DET1: variants seen among roughly 807,000 people sequenced by gnomAD.
DET1 encodes the protein DET1 partner of COP1 E3 ubiquitin ligase.
DET1 carries 22 observed loss-of-function variants against 43.7 expected under a neutral mutation model. The ratio of observed to expected loss-of-function variants is 0.50; its 90% CI spans 0.36 to 0.72. The LOEUF (loss-of-function observed/expected upper bound fraction) is 0.72, where lower values mean the gene tolerates loss of function less well. DET1 is among the 30% of genes least tolerant of loss of function. The probability of loss-of-function intolerance (pLI) is 0.00; values close to 1 mark genes in which losing one functional copy is unlikely to be tolerated. For synonymous variants in DET1, 315 were observed against 266.2 expected, an observed-to-expected ratio of 1.18 and a Z score of -1.79; for missense variants, 713 against 713.3, an observed-to-expected ratio of 1.00 and a Z score of 0.00.
At chr15:88,536,082 C>T (rs1208892312) in intron 1 of DET1, among the ~76,000 whole-genome samples, 1 of 152,148 alleles carries the variant, frequency 6.6e-6, no homozygotes, top group East Asian at 1.9e-4. Context: ...AGAGGTGCAA[C>T]AATTCAAATG....
intron 1 of DET1, among the ~76,000 whole-genome samples, chr15:88,538,340 T>C (rs1459881711): frequency 6.6e-6 from 1 of 151,188 alleles, no homozygotes; most frequent in African/African-American, 2.4e-5. Flanking sequence ...AGAATTCATC[T>C]GATTGATAAC....
At chr15:88,508,885 A>T (rs1899790709), downstream of DET1, among the ~76,000 whole-genome samples, 2 of 152,268 alleles carry the variant, frequency 1.3e-5, no homozygotes, top group African/African-American at 4.8e-5. Context: ...AGCAACAAAA[A>T]TGATTTATCA....
In DET1 at chr15:88,531,617, C is replaced by A; in HGVS notation, c.89G>T (p.Gly30Val). The change falls in exon 2 of 5, where the codon GGC (glycine) becomes GTC (valine). Residue 30 changes from glycine to valine, a missense_variant. Coordinates refer to ENST00000268148, the MANE Select transcript of DET1 (RefSeq NM_001144074.3). This position sits in a 1 kb window ranked among gnomAD's most constrained non-coding sequence, Gnocchi z 6.2. ...TTGGTGCCAGTGGGTACCTGCCTTG[C>A]CTGAACTGATCCGCCGGCGTTCCAA... Reference protein sequence around the residue: ...HRLERRRISSGKAGTHWHQVR... With the variant: ...HRLERRRISSVKAGTHWHQVR... 10 of 1,613,944 alleles carry A rather than the reference C, an allele frequency of 6.2e-6. No individual in the cohort carries two copies. Among genetic ancestry groups the A allele is most frequent in the Non-Finnish European group, 8.5e-6 (10 of 1,179,876 alleles).
chr15:88,515,538 T>TAAAAAAAAAAAAAAAAAAAAAAA lies in DET1; in HGVS notation c.1463+1243_1463+1244insTTTTTTTTTTTTTTTTTTTTTTT, dbSNP rs1491544233. Among the ~76,000 whole-genome samples, 7 of 47,480 alleles carry TAAAAAAAAAAAAAAAAAAAAAAA rather than the reference T, an allele frequency of 1.5e-4. 3 individuals carry two copies. Among genetic ancestry groups the TAAAAAAAAAAAAAAAAAAAAAAA allele is most frequent in the Non-Finnish European group, 2.4e-4 (7 of 29,194 alleles). 31.1% of individuals were successfully genotyped at this position (47,480 alleles called of 152,430 possible). A position where few individuals can be genotyped will look rare whatever the true frequency, so the allele number is the denominator to read the frequency against. On this transcript the variant is annotated intron_variant, in intron 4 of 4. Transcript: ENST00000268148. ...TGGGCAACAGACAGAGACTCCGTCT[T>TAAAAAAAAAAAAAAAAAAAAAAA]ATAAAAAAAAAAAAAAAAAAAAAAA...
intron 3 of DET1, among the ~76,000 whole-genome samples, chr15:88,526,486 T>A (rs932167941): frequency 1.3e-5 from 2 of 152,224 alleles, no homozygotes; most frequent in Non-Finnish European, 2.9e-5. Flanking sequence ...CCTTGCTGAC[T>A]GTGGGGTATA....
rs1201915279 is a variant in DET1 at position 88,531,789 on chromosome 15, A to G, written c.-10-74T>C. ...CAAAATATAAATATATACAAGTGAA[A>G]CAGATTTCTCTTCTTATATCCTGAA... On this transcript the variant is annotated intron_variant, in intron 1 of 4. Transcript: ENST00000268148. This position sits in a 1 kb window ranked among gnomAD's most constrained non-coding sequence, Gnocchi z 6.2. The G allele has an allele frequency of 7.2e-7, 1 of 1,390,234 alleles. No homozygotes were observed. The highest frequency in any genetic ancestry group is 1.5e-5 in the African/African-American group (1 of 68,750). 86.1% of individuals were successfully genotyped at this position (1,390,234 alleles called of 1,614,324 possible). A position where few individuals can be genotyped will look rare whatever the true frequency, so the allele number is the denominator to read the frequency against.
intron 1 of DET1, among the ~76,000 whole-genome samples, chr15:88,543,827 C>T (rs2057176372): frequency 1.3e-5 from 2 of 152,162 alleles, no homozygotes; most frequent in Admixed American, 6.5e-5. Context: ...GCAGGAAAGG[C>T]TATCAAAAAC....
intron 1 of DET1, among the ~76,000 whole-genome samples, chr15:88,541,977 TC>T (rs1250350479): frequency 2.0e-5 from 3 of 152,152 alleles, no homozygotes; most frequent in African/African-American, 7.2e-5. Context: ...AGGCACAAGT[TC>T]CTCCAGGTGA....
downstream of DET1, among the ~76,000 whole-genome samples, chr15:88,509,158 G>T (rs1447473013): frequency 1.3e-5 from 2 of 152,150 alleles, no homozygotes; most frequent in East Asian, 3.9e-4. Flanking sequence ...GATACTGGAG[G>T]AGTTTTTTAA....
chr15:88,538,528 C>T (rs1047535873), intron 1 of DET1, among the ~76,000 whole-genome samples: 9 of 152,110 alleles, frequency 5.9e-5, no homozygotes, highest in Middle Eastern at 6.8e-3. Context: ...AATCAAGCCC[C>T]TTCCTCAGGG....
chr15:88,504,989 T>C lies in DET1; in HGVS notation c.*2066-1002A>G, dbSNP rs1032320404. ...TTCGCGTGTGCCTTCCCATAGTTGA[T>C]TAAGACAAATGCCAGTACCTTTAAG... is the stretch of plus-strand genomic sequence containing the variant. On this transcript the variant is annotated intron_variant and NMD_transcript_variant, in intron 7 of 8. Coordinates refer to the DET1 transcript ENST00000557842. The surrounding 1 kb of genome is among the most constrained non-coding windows in gnomAD (Gnocchi z 4.7). 2 of 152,238 alleles carry C rather than the reference T, an allele frequency of 1.3e-5. No homozygotes were observed. Among genetic ancestry groups the C allele is most frequent in the Non-Finnish European group, 2.9e-5 (2 of 68,036 alleles). 9.4% of individuals were successfully genotyped at this position (152,238 alleles called of 1,614,324 possible). A position where few individuals can be genotyped will look rare whatever the true frequency, so the allele number is the denominator to read the frequency against.
At chr15:88,512,427 C>T (rs2056217808), downstream of DET1, 2 of 985,578 alleles carry the variant, frequency 2.0e-6, no homozygotes, top group Non-Finnish European at 2.4e-6. Context: ...AACCCAAGTA[C>T]TTGAAAGCAT....
At chr15:88,509,099 G>A (rs926384267), downstream of DET1, among the ~76,000 whole-genome samples, 8 of 152,178 alleles carry the variant, frequency 5.3e-5, no homozygotes, top group African/African-American at 1.9e-4. Context: ...AAAGAAAGGC[G>A]AGTTCCCACC....
Position 88,527,506 on chromosome 15 carries a change from A to G in DET1, c.1271+93T>C, listed in dbSNP as rs2056696253. The stretch of plus-strand genomic sequence containing the variant: ...GCAGAATAACCAAAGCTATGTGGAC[A>G]GACAGAATAAGAGGTTTCCTAGAGA... On this transcript the variant is annotated intron_variant, in intron 3 of 4. Transcript: ENST00000268148. 7.5e-6 allele frequency: 9 copies of G among 1,192,400 alleles called. No homozygotes were observed. In the South Asian group the frequency reaches 1.2e-4, roughly 17 times the overall value. The allele number at this position is 1,192,400 out of a possible 1,614,324, so 73.9% of individuals were successfully genotyped here.
chr15:88,522,327 C>T (rs1473809092), intron 3 of DET1, among the ~76,000 whole-genome samples: 1 of 152,068 alleles, frequency 6.6e-6, no homozygotes, highest in Non-Finnish European at 1.5e-5. Flanking sequence ...TTGTGTTCTC[C>T]ACTGCTTCTT....
Position 88,504,862 on chromosome 15 carries a change from C to T in DET1, c.*2066-875G>A, listed in dbSNP as rs377434374. On this transcript the variant is annotated intron_variant and NMD_transcript_variant, in intron 7 of 8. Transcript: ENST00000557842. This position sits in a 1 kb window ranked among gnomAD's most constrained non-coding sequence, Gnocchi z 4.7. ...ATGTTTTCGCCTGTTCCCTCTGCCTCCTGACCAATCCAGGTGCTTACCCAT... is the reference window on the plus strand; with the variant it reads ...ATGTTTTCGCCTGTTCCCTCTGCCTTCTGACCAATCCAGGTGCTTACCCAT... The T allele has an allele frequency of 6.8e-4, 103 of 152,298 alleles. 1 individual carries two copies. Among genetic ancestry groups the T allele is most frequent in the African/African-American group, 2.3e-3 (97 of 41,546 alleles). 9.4% of individuals were successfully genotyped at this position (152,298 alleles called of 1,614,324 possible). A position where few individuals can be genotyped will look rare whatever the true frequency, so the allele number is the denominator to read the frequency against.
In DET1 at chr15:88,531,871, G is replaced by T. The variant is rs531924883; in HGVS notation, c.-10-156C>A. On this transcript the variant is annotated intron_variant, in intron 1 of 4. Coordinates refer to ENST00000268148, the MANE Select transcript of DET1 (RefSeq NM_001144074.3). The surrounding 1 kb of genome is among the most constrained non-coding windows in gnomAD (Gnocchi z 6.2). ...ATTACTACTTCCCAGATTATACTGA[G>T]TAAGTGGTCCTAACATTTCTAAGTC... 1 of 701,532 alleles carries T rather than the reference G, an allele frequency of 1.4e-6. No individual in the cohort carries two copies. The highest frequency in any genetic ancestry group is 3.0e-5 in the Admixed American group (1 of 33,220). The allele number at this position is 701,532 out of a possible 1,614,324, so 43.5% of individuals were successfully genotyped here.
At chr15:88,517,848 GTAACA>G (rs1231084191) in intron 3 of DET1, among the ~76,000 whole-genome samples, 1 of 152,194 alleles carries the variant, frequency 6.6e-6, no homozygotes, top group African/African-American at 2.4e-5. Flanking sequence ...TAGAAGAATA[GTAACA>G]TACATAGAGT....
At chr15:88,510,831 C>G (rs1371596446), downstream of DET1, among the ~76,000 whole-genome samples, 1 of 146,686 alleles carries the variant, frequency 6.8e-6, no homozygotes, top group Non-Finnish European at 1.5e-5. Context: ...AGTGCAGTGG[C>G]GCAATCTCGG....
Sources: allele counts gnomAD v4.1 joint callset (sites outside exome capture counted in the v4.1 genomes callset), GRCh38; gene constraint gnomAD v4.1.1; non-coding constraint Gnocchi (gnomAD v3.1); transcripts MANE v1.5; gene names NCBI Gene and HGNC (gene_info 2026-07-23, HGNC 2026-07-21).